PDILT: variants seen among roughly 807,000 people sequenced by gnomAD.
PDILT encodes the protein protein disulfide isomerase like, testis expressed.
Under a neutral mutation model 53.7 loss-of-function variants are expected in PDILT, and 43 were observed. The observed-to-expected ratio is 0.80, with a 90% confidence interval of 0.63 to 1.03. The LOEUF is 1.03. PDILT is among the 50% of genes least tolerant of loss of function. PDILT has a pLI of 0.00. For missense variants in PDILT, 727 were observed against 712.3 expected, an observed-to-expected ratio of 1.02 and a Z score of -0.24; for synonymous variants, 282 against 274.2, an observed-to-expected ratio of 1.03 and a Z score of -0.28.
chr16:20,364,097 G>A (rs1451991703), intron 9 of PDILT, among the ~76,000 whole-genome samples: 2 of 152,224 alleles, frequency 1.3e-5, no homozygotes, highest in East Asian at 3.8e-4. Flanking sequence ...CGGGTCCTGG[G>A]TCAGAACAGG....
rs1261879890 is a variant in PDILT, at chr16:20,369,587, A to G, written c.1021T>C (p.Leu341=). 5 of 1,614,100 alleles carry G rather than the reference A, an allele frequency of 3.1e-6. No homozygotes were observed. The highest frequency in any genetic ancestry group is 4.2e-6 in the Non-Finnish European group (5 of 1,180,054). Residue 341 remains leucine (L), a synonymous_variant, in exon 8 of 12, where the codon TTG becomes CTG. Coordinates refer to ENST00000302451, the MANE Select transcript of PDILT (RefSeq NM_174924.2). ...ATTTTGTACCTGGCGTCAGAGCTCA[A>G]GTTTAGGATTTGGACGGATGGGATA... ...VDIPSVQILN[L]SSDARYKMPS...
intron 7 of PDILT, among the ~76,000 whole-genome samples, chr16:20,370,652 G>A (rs778162463): frequency 3.9e-5 from 6 of 152,194 alleles, no homozygotes; most frequent in Admixed American, 3.3e-4. Flanking sequence ...GTAAAATGAG[G>A]CTGAGACCTA....
intron 2 of PDILT, chr16:20,391,095 T>C (rs1314973124): frequency 1.3e-5 from 2 of 156,050 alleles, no homozygotes; most frequent in African/African-American, 2.4e-5. Context: ...AGTACCATCA[T>C]TGCCATTGTC....
intron 10 of PDILT, among the ~76,000 whole-genome samples, chr16:20,362,030 C>G (rs531500135): frequency 1.3e-5 from 2 of 152,294 alleles, no homozygotes; most frequent in Non-Finnish European, 2.9e-5. Flanking sequence ...TTTGCCTTCA[C>G]CTGGTAATAC....
At chr16:20,398,545 C>T (rs1343979926) in intron 2 of PDILT, among the ~76,000 whole-genome samples, 2 of 152,106 alleles carry the variant, frequency 1.3e-5, no homozygotes, top group East Asian at 1.9e-4. Flanking sequence ...GCATGAGAAT[C>T]GCGTGAACAC....
chr16:20,370,324 C>T (rs1468940286), intron 7 of PDILT, among the ~76,000 whole-genome samples: 2 of 152,148 alleles, frequency 1.3e-5, no homozygotes, highest in Non-Finnish European at 2.9e-5. Flanking sequence ...CAAAGCCAAA[C>T]AGCAATGAGT....
chr16:20,359,205 C>A lies in PDILT; in HGVS notation c.*114G>T. On this transcript the variant is annotated 3_prime_UTR_variant, in exon 12 of 12. Transcript: ENST00000302451. Reference sequence around the variant, plus strand: ...TCAGAGGCTTTATTATCCACCCCTACCCCCGCCCCACCTACCCTACCACAA... The same window carrying A: ...TCAGAGGCTTTATTATCCACCCCTAACCCCGCCCCACCTACCCTACCACAA... 2.9e-5 allele frequency: 41 copies of A among 1,417,892 alleles called. No homozygotes were observed. Among genetic ancestry groups the A allele is most frequent in the Non-Finnish European group, 3.4e-5 (36 of 1,053,824 alleles). 87.8% of individuals were successfully genotyped at this position (1,417,892 alleles called of 1,614,324 possible). A position where few individuals can be genotyped will look rare whatever the true frequency, so the allele number is the denominator to read the frequency against.
chr16:20,398,650 C>T (rs1000139628), intron 2 of PDILT, among the ~76,000 whole-genome samples: 1 of 152,042 alleles, frequency 6.6e-6, no homozygotes, highest in South Asian at 2.1e-4. Flanking sequence ...AAAAAAGTGA[C>T]GGTCTAAAAA....
chr16:20,365,498 C>T lies in PDILT; in HGVS notation c.1159G>A (p.Gly387Arg). 6.2e-7 allele frequency: 1 copy of T among 1,613,998 alleles called. No individual in the cohort carries two copies. The highest frequency in any genetic ancestry group is 8.5e-7 in the Non-Finnish European group (1 of 1,179,888). ...TTCCCCACGAGCTGCTTAACCAGTC[C>T]CTGGTCCCAGTATTTTGGAATCTCT... ...SEEIPKYWDQGLVKQLVGKNF... is the reference protein window; with the variant it reads ...SEEIPKYWDQRLVKQLVGKNF... Residue 387 changes from glycine (G) to arginine (R), a missense_variant, in exon 9 of 12, where the codon GGA becomes AGA. Coordinates refer to ENST00000302451, the MANE Select transcript of PDILT (RefSeq NM_174924.2).
chr16:20,399,045 A>G, intron 2 of PDILT, 54 bp downstream of exon 2: 1 of 1,596,834 alleles, frequency 6.3e-7, no homozygotes, highest in Non-Finnish European at 8.6e-7. Context: ...CCCACACACA[A>G]GGAGGCAGGC....
rs267604437 is a variant in PDILT at position 20,365,530 on chromosome 16, G to A, written c.1127C>T (p.Ser376Phe). 6.2e-7 allele frequency: 1 copy of A among 1,614,110 alleles called. No homozygotes were observed. The change falls in exon 9 of 12, where the codon TCC (serine) becomes TTC (phenylalanine). Residue 376 changes from serine (S) to phenylalanine (F), a missense_variant. Coordinates refer to ENST00000302451, the MANE Select transcript of PDILT (RefSeq NM_174924.2). ...FLSKNATKHQ[S>F]SEEIPKYWDQ... ...CCAGTATTTTGGAATCTCTTCACTG[G>A]ATTGATGTTTCTAGGAAGCACATTT...
intron 4 of PDILT, among the ~76,000 whole-genome samples, chr16:20,375,688 C>T (rs942187992): frequency 2.6e-5 from 4 of 152,124 alleles, no homozygotes; most frequent in African/African-American, 7.2e-5. Context: ...CCTGTGCTAT[C>T]GGTTTTAATA....
At chr16:20,371,330 G>A (rs1966303491) in intron 7 of PDILT, among the ~76,000 whole-genome samples, 1 of 152,174 alleles carries the variant, frequency 6.6e-6, no homozygotes, top group Non-Finnish European at 1.5e-5. Flanking sequence ...AGAAGCAAAA[G>A]TGGAAGCAGG....
intron 2 of PDILT, among the ~76,000 whole-genome samples, chr16:20,392,765 T>C (rs896715121): frequency 2.0e-5 from 3 of 152,206 alleles, no homozygotes; most frequent in Non-Finnish European, 4.4e-5. Context: ...GTATGCATGT[T>C]GGTTGTGTCA....
chr16:20,362,345 G>C, intron 10 of PDILT, 59 bp downstream of exon 10: 1 of 1,566,610 alleles, frequency 6.4e-7, no homozygotes, highest in Non-Finnish European at 8.7e-7. Context: ...GGGAGAAACT[G>C]AGTCCCTGAT....
At chr16:20,379,886 T>G (rs964135842) in intron 3 of PDILT, among the ~76,000 whole-genome samples, 4 of 152,180 alleles carry the variant, frequency 2.6e-5, no homozygotes, top group African/African-American at 9.7e-5. Context: ...TTCCCTCCTC[T>G]GAGATATCAG....
chr16:20,368,986 T>C lies in PDILT; in HGVS notation c.1116+506A>G, dbSNP rs147692419. Among the ~76,000 whole-genome samples the C allele has an allele frequency of 1.2e-3, 176 of 152,316 alleles. 1 individual carries two copies. The East Asian group carries it at 0.021, about 18-fold the overall frequency. Reference sequence around the variant, plus strand: ...TGTGGAGACATAGACAGTGGGTGACTACGTGTTCCATGTGTTTCTGCAGCC... The same window carrying C: ...TGTGGAGACATAGACAGTGGGTGACCACGTGTTCCATGTGTTTCTGCAGCC... On this transcript the variant is annotated intron_variant, in intron 8 of 11. Coordinates refer to ENST00000302451, the MANE Select transcript of PDILT (RefSeq NM_174924.2).
chr16:20,369,647 G>T lies in PDILT; in HGVS notation c.961C>A (p.Arg321Ser), dbSNP rs1191219964. 2 of 1,614,156 alleles carry T rather than the reference G, an allele frequency of 1.2e-6. No homozygotes were observed. The highest frequency in any genetic ancestry group is 8.5e-7 in the Non-Finnish European group (1 of 1,180,034). The change falls in exon 8 of 12, where the codon CGT becomes AGT. Residue 321 changes from arginine (R) to serine (S), a missense_variant. Arg to Ser is a moderately radical substitution (Grantham distance 110). Transcript: ENST00000302451. ...LVDADEPRNG[R>S]VFKYFRVTEV... ...GTGACCCGGAAGTACTTGAAGACAC[G>T]TCCATTTCTGGGTTCGTCTGCATCC...
intron 8 of PDILT, among the ~76,000 whole-genome samples, chr16:20,367,031 CTTTCTTTCT>C (rs1567320658): frequency 9.9e-5 from 1 of 10,084 alleles, no homozygotes; most frequent in East Asian, 9.9e-4. Flanking sequence ...TTTCTTCTTT[CTTTCTTTCT>C]TTCTTTCTTT....
Sources: allele counts gnomAD v4.1 joint callset (sites outside exome capture counted in the v4.1 genomes callset), GRCh38; gene constraint gnomAD v4.1.1; transcripts MANE v1.5; gene names NCBI Gene and HGNC (gene_info 2026-07-23, HGNC 2026-07-21).